Variants in ECI2 observed in about 807,000 individuals in gnomAD.
The protein encoded by ECI2 is D3,D2-enoyl-CoA isomerase.
Under a neutral mutation model 38.4 loss-of-function variants are expected in ECI2, and 27 were observed. That is an observed-to-expected ratio of 0.70 (90% CI 0.52 to 0.97). ECI2 has a LOEUF of 0.97. Ranked by LOEUF, ECI2 falls within the 50% of genes least tolerant of loss-of-function variation. ECI2 has a pLI of 0.00. For missense variants in ECI2, 470 were observed against 474.4 expected, an observed-to-expected ratio of 0.99 and a Z score of 0.09; for synonymous variants, 168 against 172.0, an observed-to-expected ratio of 0.98 and a Z score of 0.18.
rs773314096 is a variant in ECI2, at chr6:4,135,556, G to C, written c.5C>G (p.Ala2Gly). The C allele has an allele frequency of 6.5e-7, 1 of 1,535,914 alleles. No homozygotes were observed. The highest frequency in any genetic ancestry group is 1.8e-5 in the Admixed American group (1 of 56,090). M[A>G]MAYLAWRLAR... is the part of the protein sequence containing the mutation. ...CAGTCTCCAAGCCAAGTACGCCATC[G>C]CCATCCCTTGGGCGGCTCTAGGGCT... The change falls in exon 1 of 10, where the codon GCG becomes GGG. Residue 2 changes from alanine (A) to glycine (G), a missense_variant. Transcript: ENST00000380118.
chr6:4,123,226 G>A (rs1397979972), intron 7 of ECI2, among the ~76,000 whole-genome samples: 1 of 151,670 alleles, frequency 6.6e-6, no homozygotes, highest in East Asian at 1.9e-4. Flanking sequence ...ACCTAGGCTG[G>A]AGTGCAGTGG....
At chr6:4,118,903 A>G (rs1040296932) in intron 8 of ECI2, 2 of 267,592 alleles carry the variant, frequency 7.5e-6, no homozygotes, top group Admixed American at 5.0e-5. Context: ...TGCAAGGCTG[A>G]GGTGCTGTGC....
intron 1 of ECI2, chr6:4,135,079 G>A (rs892702532): frequency 2.1e-6 from 1 of 465,592 alleles, no homozygotes; most frequent in African/African-American, 2.0e-5. Context: ...GAAGCAGAGT[G>A]TTAAGTCCAC....
intron 2 of ECI2, among the ~76,000 whole-genome samples, chr6:4,131,399 A>T (rs1773503045): frequency 6.6e-6 from 1 of 152,230 alleles, no homozygotes; most frequent in Non-Finnish European, 1.5e-5. Context: ...ACATGTAAGT[A>T]AAAAGCAAAA....
intron 6 of ECI2, 194 bp from the exon 7 acceptor site, chr6:4,125,564 G>T: frequency 1.3e-6 from 1 of 760,186 alleles, no homozygotes; most frequent in Non-Finnish European, 2.1e-6. Context: ...CGTCTGAATG[G>T]CAGTGGATGG....
intron 2 of ECI2, 91 bp downstream of exon 2, chr6:4,133,458 T>A (rs908218416): frequency 6.8e-6 from 10 of 1,470,236 alleles, no homozygotes; most frequent in Non-Finnish European, 9.2e-6. Flanking sequence ...ACCAAAATGT[T>A]AAGGCCACAT....
At chr6:4,117,528 C>G in intron 8 of ECI2, 77 bp from the exon 9 acceptor site, 5 of 1,551,182 alleles carry the variant, frequency 3.2e-6, no homozygotes, top group Non-Finnish European at 3.5e-6. Flanking sequence ...TTTCAGGAGG[C>G]TTAGAGAGAT....
At chr6:4,130,176 T>C (rs769335383) in intron 4 of ECI2, 196 bp downstream of exon 4, 2 of 1,613,890 alleles carry the variant, frequency 1.2e-6, no homozygotes, top group Admixed American at 1.7e-5. Context: ...TATCAGAACC[T>C]ACCTGAAATT....
chr6:4,122,255 C>T (rs548794436), intron 7 of ECI2, among the ~76,000 whole-genome samples: 5 of 149,224 alleles, frequency 3.4e-5, no homozygotes, highest in South Asian at 2.1e-4. Context: ...GAGTCTTGCT[C>T]GGTTGCCCAG....
At position 4,130,863 on chromosome 6, in the gene ECI2, G is replaced by A; in HGVS notation, c.216C>T (p.Ala72=). ...KLKLYALYKQ[A]TEGPCNMPKP... is the part of the protein sequence containing the mutation. ...TGGGCATGTTACAAGGTCCTTCAGT[G>A]GCCTGTGAAAAGGAGAGGGGCAATA... Residue 72 remains alanine (A), a splice_region_variant and synonymous_variant, in exon 3 of 10, where the codon GCC becomes GCT. Transcript: ENST00000380118. 2 of 1,613,890 alleles carry A rather than the reference G, an allele frequency of 1.2e-6. No individual in the cohort carries two copies. The highest frequency in any genetic ancestry group is 8.5e-7 in the Non-Finnish European group (1 of 1,179,946).
chr6:4,122,313 C>T lies in ECI2; in HGVS notation c.795+2937G>A, dbSNP rs748603219. The stretch of plus-strand genomic sequence containing the variant: ...TCAACTCGCTGCAACCTCCGCCTCC[C>T]GGGTTCAAGCGATTCTCCTGCCTCA... On this transcript the variant is annotated intron_variant, in intron 7 of 9. Coordinates refer to ENST00000380118, the MANE Select transcript of ECI2 (RefSeq NM_206836.3). Among the ~76,000 whole-genome samples, 17 of 151,966 alleles carry T rather than the reference C, an allele frequency of 1.1e-4. 1 individual carries two copies. The highest frequency in any genetic ancestry group is 1.6e-4 in the Non-Finnish European group (11 of 67,956).
intron 7 of ECI2, 153 bp downstream of exon 7, chr6:4,125,097 A>G: frequency 3.1e-6 from 4 of 1,284,464 alleles, no homozygotes; most frequent in Non-Finnish European, 4.4e-6. Flanking sequence ...AAATCAGTCA[A>G]ATCAGCCTAA....
intron 7 of ECI2, 152 bp downstream of exon 7, chr6:4,125,098 A>G: frequency 7.7e-7 from 1 of 1,291,776 alleles, no homozygotes; most frequent in Non-Finnish European, 1.1e-6. Flanking sequence ...AATCAGTCAA[A>G]TCAGCCTAAT....
chr6:4,123,919 C>A (rs1442510807), intron 7 of ECI2, among the ~76,000 whole-genome samples: 1 of 151,808 alleles, frequency 6.6e-6, no homozygotes, highest in Non-Finnish European at 1.5e-5. Context: ...CAAGATCGTG[C>A]CACTGCATTC....
chr6:4,118,950 A>G (rs1772468542), intron 8 of ECI2: 1 of 377,344 alleles, frequency 2.7e-6, no homozygotes. Flanking sequence ...AGCCAGCTGA[A>G]GAGGAGGATC....
chr6:4,123,846 G>A (rs1772971410), intron 7 of ECI2, among the ~76,000 whole-genome samples: 1 of 151,884 alleles, frequency 6.6e-6, no homozygotes, highest in Non-Finnish European at 1.5e-5. Flanking sequence ...GCACGCACCT[G>A]TACTACTCAG....
At chr6:4,129,791 C>T (rs977137064) in intron 4 of ECI2, among the ~76,000 whole-genome samples, 2 of 152,008 alleles carry the variant, frequency 1.3e-5, no homozygotes, top group Non-Finnish European at 2.9e-5. Context: ...CAGTTGAGCA[C>T]CAAGCATCCA....
chr6:4,120,823 T>C (rs1014169726), intron 7 of ECI2, among the ~76,000 whole-genome samples: 5 of 152,186 alleles, frequency 3.3e-5, no homozygotes, highest in Non-Finnish European at 7.3e-5. Context: ...AGCACCTGAC[T>C]GTACAATTCT....
At chr6:4,125,460 T>G in intron 6 of ECI2, 90 bp from the exon 7 acceptor site, 1 of 1,560,608 alleles carries the variant, frequency 6.4e-7, no homozygotes, top group East Asian at 2.3e-5. Context: ...GATAAAGCCT[T>G]CTGTCAGGCT....
Sources: gnomAD v4.1 joint callset for allele counts (sites outside exome capture counted in the v4.1 genomes callset) on GRCh38, gnomAD v4.1.1 for gene constraint, MANE v1.5 for transcripts, NCBI Gene and HGNC (gene_info 2026-07-23, HGNC 2026-07-21) for gene names.